Variants in RYR1 observed in about 807,000 individuals in gnomAD.
RYR1 encodes the protein ryanodine receptor 1, also known as central core disease of muscle.
Under a neutral mutation model 583.5 loss-of-function variants are expected in RYR1, and 342 were observed. The ratio of observed to expected loss-of-function variants is 0.59; its 90% confidence interval spans 0.54 to 0.64. RYR1 has a LOEUF of 0.64. RYR1 is among the 30% of genes least tolerant of loss of function. The pLI is 0.00. For synonymous variants in RYR1, 2,791 were observed against 2,822.5 expected, an observed-to-expected ratio of 0.99 and a Z score of 0.35; for missense variants, 6,032 against 6,917.2, an observed-to-expected ratio of 0.87 and a Z score of 4.54.
Position 38,500,905 on chromosome 19 carries a change from A to C in RYR1, c.7529A>C (p.Tyr2510Ser). 6.2e-7 allele frequency: 1 copy of C among 1,609,990 alleles called. No homozygotes were observed. The change falls in exon 47 of 106, where the codon TAT becomes TCT. Residue 2510 changes from tyrosine (Y) to serine (S), a missense_variant. By Grantham distance (144) the Tyr-to-Ser change is moderately radical (BLOSUM62 -2). Transcript: ENST00000359596. The surrounding 1 kb of genome is among the most constrained non-coding windows in gnomAD (Gnocchi z 5.9). ...ATGGTGCTCTTCCTGGACCGTGTGT[A>C]TGGCATCGAGAACCAGGACTTCTTG... ...ASMVLFLDRVYGIENQDFLLH... is the reference protein window; with the variant it reads ...ASMVLFLDRVSGIENQDFLLH...
At position 38,434,683 on chromosome 19, in the gene RYR1, T is replaced by TGGGGAGGGGATGAG. The variant is rs1236342438; in HGVS notation, c.45+810_45+823dup. Among the ~76,000 whole-genome samples, 5 of 152,128 alleles carry TGGGGAGGGGATGAG rather than the reference T, an allele frequency of 3.3e-5. No homozygotes were observed. The East Asian group carries it at 9.7e-4, about 29-fold the overall frequency. ...GCTTTTCTGGGGCCTGGGCAGGGGA[T>TGGGGAGGGGATGAG]GGGGAGGGGATGAGAGGGAGGAGGG... On this transcript the variant is annotated intron_variant, in intron 1 of 105. Transcript: ENST00000359596.
intron 60 of RYR1, 140 bp downstream of exon 60, chr19:38,510,921 C>G: frequency 7.8e-7 from 1 of 1,280,056 alleles, no homozygotes; most frequent in Non-Finnish European, 1.1e-6. Context: ...ACCAGCCATC[C>G]TAGTGTACCC....
intron 19 of RYR1, among the ~76,000 whole-genome samples, chr19:38,459,648 T>C (rs1967621508): frequency 7.9e-6 from 1 of 127,380 alleles, no homozygotes. Flanking sequence ...CCTCAGACTT[T>C]CCCAGTGACT....
rs762258310 is a variant in RYR1, at chr19:38,543,383, C to T, written c.11726C>T (p.Thr3909Met). The T allele has an allele frequency of 1.2e-5, 20 of 1,614,222 alleles. No individual in the cohort carries two copies. The highest frequency in any genetic ancestry group is 6.7e-5 in the Admixed American group (4 of 60,026). The change falls in exon 85 of 106, where the codon ACG becomes ATG. Residue 3909 changes from threonine (T) to methionine (M), a missense_variant. Physicochemically the swap from Thr to Met is moderately conservative, Grantham distance 81 (BLOSUM62 -1). Transcript: ENST00000359596. This position sits in a 1 kb window ranked among gnomAD's most constrained non-coding sequence, Gnocchi z 4.4. The part of the protein sequence containing the change: ...QNYLRTQTGN[T>M]TTINIIICTV... ...TACCTACGGACACAGACAGGGAACACGACCACTATTAACATCATCATTTGC... is the reference window on the plus strand; with the variant it reads ...TACCTACGGACACAGACAGGGAACATGACCACTATTAACATCATCATTTGC...
At chr19:38,470,954 C>T (rs968017767) in intron 27 of RYR1, among the ~76,000 whole-genome samples, 2 of 152,136 alleles carry the variant, frequency 1.3e-5, no homozygotes, top group Non-Finnish European at 2.9e-5. Context: ...CCAGATGTCC[C>T]CAACCCAAGG....
intron 33 of RYR1, 120 bp from the exon 34 acceptor site, chr19:38,485,470 A>G (rs1305459192): frequency 1.4e-6 from 2 of 1,383,698 alleles, no homozygotes; most frequent in Admixed American, 1.7e-5. Flanking sequence ...AGGGGTTTGA[A>G]GGAAAGACGA....
In RYR1 at chr19:38,561,842, C is replaced by A. The variant is rs558917846; in HGVS notation, c.12624+388C>A. Reference sequence around the variant, plus strand: ...CTCCTCGAACCTGCATGGCGACACACCCCTTGCTCACCTTCCCAGTAGCCC... The same window carrying A: ...CTCCTCGAACCTGCATGGCGACACAACCCTTGCTCACCTTCCCAGTAGCCC... On this transcript the variant is annotated intron_variant, in intron 90 of 105. Transcript: ENST00000359596. This position sits in a 1 kb window ranked among gnomAD's most constrained non-coding sequence, Gnocchi z 4.8. Among the ~76,000 whole-genome samples the A allele has an allele frequency of 2.6e-5, 4 of 152,270 alleles. No individual in the cohort carries two copies. The highest frequency in any genetic ancestry group is 2.1e-4 in the South Asian group (1 of 4,832).
At chr19:38,519,070 GGAC>G in intron 66 of RYR1, 141 bp from the exon 67 acceptor site, 1 of 1,347,076 alleles carries the variant, frequency 7.4e-7, no homozygotes, top group Non-Finnish European at 1.1e-6. Context: ...CAGTGTTCAG[GGAC>G]TATATCCAAG....
At chr19:38,475,956 G>A (rs937367845) in intron 29 of RYR1, among the ~76,000 whole-genome samples, 14 of 152,204 alleles carry the variant, frequency 9.2e-5, no homozygotes, top group Admixed American at 7.9e-4. Flanking sequence ...CGTGGACCAC[G>A]GATGCGGGGA....
In RYR1 at chr19:38,463,838, G is replaced by A; in HGVS notation, c.2774G>A (p.Gly925Glu). 6.8e-6 allele frequency: 11 copies of A among 1,613,868 alleles called. No individual in the cohort carries two copies. The highest frequency in any genetic ancestry group is 9.3e-6 in the Non-Finnish European group (11 of 1,179,888). Reference sequence around the variant, plus strand: ...AGGAACTACAACCTGCAGATGTCTGGGGAGACGCTCAAGTGAGGGCCCAGG... The same window carrying A: ...AGGAACTACAACCTGCAGATGTCTGAGGAGACGCTCAAGTGAGGGCCCAGG... ...PERNYNLQMS[G>E]ETLKTLLALG... The change falls in exon 22 of 106, where the codon GGG (glycine) becomes GAG (glutamate). Residue 925 changes from glycine to glutamate, a missense_variant. Physicochemically the swap from Gly to Glu is moderately conservative, Grantham distance 98. This residue lies in a region of RYR1 where 2,627 missense variants were observed against 2,961.3 expected (regional missense o/e 0.89). Coordinates refer to ENST00000359596, the MANE Select transcript of RYR1 (RefSeq NM_000540.3).
At chr19:38,443,148 A>G (rs1445050077) in intron 3 of RYR1, among the ~76,000 whole-genome samples, 1 of 152,172 alleles carries the variant, frequency 6.6e-6, no homozygotes. Context: ...CCTGTCCCAG[A>G]GCACACGGGC....
intron 104 of RYR1, 23 bp downstream of exon 104, chr19:38,586,214 C>A: frequency 1.2e-6 from 2 of 1,604,970 alleles, no homozygotes; most frequent in South Asian, 2.2e-5. Flanking sequence ...ACTGGCCAGT[C>A]AGGAGGGTGG....
chr19:38,570,634 C>T lies in RYR1; in HGVS notation c.13687C>T (p.Leu4563=), dbSNP rs1466443351. 2 of 1,614,044 alleles carry T rather than the reference C, an allele frequency of 1.2e-6. No individual in the cohort carries two copies. Among genetic ancestry groups the T allele is most frequent in the East Asian group, 2.2e-5 (1 of 44,876 alleles). Residue 4563 remains leucine (L), a synonymous_variant, in exon 94 of 106, where the codon CTG becomes TTG. Transcript: ENST00000359596. ...LNYLSRNFYT[L]RFLALFLAFA... is the part of the protein sequence containing the mutation. Reference sequence around the variant, plus strand: ...CTACCTGTCCCGGAACTTTTACACCCTGCGGTTCCTTGCCCTCTTCTTGGC... The same window carrying T: ...CTACCTGTCCCGGAACTTTTACACCTTGCGGTTCCTTGCCCTCTTCTTGGC...
intron 89 of RYR1, among the ~76,000 whole-genome samples, chr19:38,553,691 G>C (rs754801310): frequency 3.3e-5 from 5 of 152,132 alleles, no homozygotes; most frequent in Admixed American, 2.0e-4. Context: ...AAGGCGTGAA[G>C]TGAGAAGTCT....
rs373919284 is a variant in RYR1 at position 38,578,027 on chromosome 19, C to A, written c.14282C>A (p.Pro4761Gln). The change falls in exon 98 of 106, where the codon CCG becomes CAG. Residue 4761 changes from proline (P) to glutamine (Q), a missense_variant. Transcript: ENST00000359596. ...ITAHNERKPNPPPGLLTWLMS... is the reference protein window; with the variant it reads ...ITAHNERKPNQPPGLLTWLMS... The stretch of plus-strand genomic sequence containing the variant: ...GCCCACAATGAGCGCAAGCCCAACC[C>A]GCCGCCAGGGCTGCTGACCTGGTGA... 5 of 1,613,996 alleles carry A rather than the reference C, an allele frequency of 3.1e-6. No homozygotes were observed. Among genetic ancestry groups the A allele is most frequent in the Admixed American group, 3.3e-5 (2 of 59,984 alleles).
At chr19:38,460,303 A>G (rs1967657101) in intron 19 of RYR1, 72 bp from the exon 20 acceptor site, 1 of 1,380,020 alleles carries the variant, frequency 7.2e-7, no homozygotes, top group Non-Finnish European at 1.0e-6. Context: ...GACTGCTTCC[A>G]TGTCCCCCAC....
intron 31 of RYR1, among the ~76,000 whole-genome samples, chr19:38,478,818 A>T (rs1471137940): frequency 6.6e-6 from 1 of 152,206 alleles, no homozygotes; most frequent in African/African-American, 2.4e-5. Context: ...CCCAGACTGG[A>T]GTGCAATGGG....
At position 38,517,366 on chromosome 19, in the gene RYR1, G is replaced by T. The variant is rs1424871562; in HGVS notation, c.9693G>T (p.Gly3231=). ...CCCGTCCCTGTACCCCAGTCCTGGG[G>T]CTCCCCAACAGTGTGGAGGAGATGT... is the stretch of plus-strand genomic sequence containing the variant. ...TKSPRERAIL[G]LPNSVEEMCP... The change falls in exon 66 of 106, where the codon GGG becomes GGT. Residue 3231 remains glycine (G), a synonymous_variant. Transcript: ENST00000359596. The T allele has an allele frequency of 1.2e-6, 2 of 1,613,478 alleles. No individual in the cohort carries two copies. The highest frequency in any genetic ancestry group is 1.1e-5 in the South Asian group (1 of 91,060).
chr19:38,505,996 T>C (rs771905317), intron 54 of RYR1, 50 bp downstream of exon 54: 1 of 1,590,682 alleles, frequency 6.3e-7, no homozygotes, highest in Non-Finnish European at 8.6e-7. Flanking sequence ...GGGGAGGGTC[T>C]AGAACAAGGG....
Sources: gnomAD v4.1 joint callset for allele counts (sites outside exome capture counted in the v4.1 genomes callset) on GRCh38, gnomAD v4.1.1 for gene constraint, gnomAD v4.1.1 regional missense constraint, Gnocchi (gnomAD v3.1) non-coding constraint, MANE v1.5 for transcripts, NCBI Gene and HGNC (gene_info 2026-07-23, HGNC 2026-07-21) for gene names.